MSH3: variants seen among roughly 807,000 people sequenced by gnomAD.
MSH3 encodes mutS homolog 3, also known as DNA mismatch repair protein Msh3.
Under a neutral mutation model 123.3 loss-of-function variants are expected in MSH3, and 106 were observed. That is an observed-to-expected ratio of 0.86 (90% CI 0.73 to 1.01). MSH3 has a LOEUF of 1.01. MSH3 is among the 50% of genes least tolerant of loss of function. The pLI is 0.00. For missense variants in MSH3, 1,459 were observed against 1,347.6 expected, an observed-to-expected ratio of 1.08 and a Z score of -1.29; for synonymous variants, 515 against 481.4, an observed-to-expected ratio of 1.07 and a Z score of -0.91.
chr5:80,826,880 C>T (rs935001542), intron 20 of MSH3, among the ~76,000 whole-genome samples: 2 of 152,118 alleles, frequency 1.3e-5, no homozygotes, highest in Non-Finnish European at 2.9e-5. Context: ...ACTATAACCT[C>T]ACATGAATCT....
At chr5:80,755,162 T>A (rs26282) in intron 12 of MSH3, among the ~76,000 whole-genome samples, 10 of 152,080 alleles carry the variant, frequency 6.6e-5, no homozygotes, top group Admixed American at 3.9e-4. Flanking sequence ...CCTCTGCCGG[T>A]TTGAATGAGA....
chr5:80,711,071 A>G (rs1750849189), intron 8 of MSH3, among the ~76,000 whole-genome samples: 1 of 152,256 alleles, frequency 6.6e-6, no homozygotes, highest in African/African-American at 2.4e-5. Flanking sequence ...AAGCAAAGGT[A>G]TAATCAAAAG....
chr5:80,664,055 G>GA (rs1414365775), intron 2 of MSH3, among the ~76,000 whole-genome samples: 1 of 152,190 alleles, frequency 6.6e-6, no homozygotes, highest in Non-Finnish European at 1.5e-5. Flanking sequence ...TAGGGATCCA[G>GA]AAAATGATAG....
intron 16 of MSH3, 107 bp downstream of exon 16, chr5:80,775,865 T>C (rs1744290337): frequency 1.4e-6 from 1 of 695,574 alleles, no homozygotes; most frequent in African/African-American, 1.8e-5. Flanking sequence ...AAAGCAATTC[T>C]TTTTACTTAT....
chr5:80,808,235 G>A (rs146435807), intron 19 of MSH3, among the ~76,000 whole-genome samples: 171 of 152,254 alleles, frequency 1.1e-3, no homozygotes, highest in African/African-American at 3.9e-3. Context: ...ATAATACTTT[G>A]TATAGAGATT....
Position 80,654,969 on chromosome 5 carries a change from G to C in MSH3, c.237+5G>C, listed in dbSNP as rs966078374. On this transcript the variant is annotated splice_donor_5th_base_variant and intron_variant, in intron 1 of 23. Coordinates refer to ENST00000265081, the MANE Select transcript of MSH3 (RefSeq NM_002439.5). ...CCCCAGCTGCCGCCGCACATAGTAG[G>C]TTCTGTCTGGGACTGGGCAGGGCCA... 1 of 1,458,038 alleles carries C rather than the reference G, an allele frequency of 6.9e-7. No homozygotes were observed. The highest frequency in any genetic ancestry group is 1.6e-5 in the African/African-American group (1 of 61,852). 90.3% of individuals were successfully genotyped at this position (1,458,038 alleles called of 1,614,324 possible).
chr5:80,752,887 A>G (rs745715007), intron 12 of MSH3, among the ~76,000 whole-genome samples: 2 of 152,194 alleles, frequency 1.3e-5, no homozygotes, highest in African/African-American at 2.4e-5. Context: ...AAAAGAACAC[A>G]TAAATGATAT....
Position 80,818,641 on chromosome 5 carries a change from A to G in MSH3, c.2813+4900A>G, listed in dbSNP as rs1046661770. ...ATGTTTAAGTGAGATAAACAGTGCA[A>G]TGCAATGGTTATGATTTAATAGAAA... On this transcript the variant is annotated intron_variant, in intron 20 of 23. Coordinates refer to ENST00000265081, the MANE Select transcript of MSH3 (RefSeq NM_002439.5). Among the ~76,000 whole-genome samples, 9 of 152,220 alleles carry G rather than the reference A, an allele frequency of 5.9e-5. No individual in the cohort carries two copies. In the South Asian group the frequency reaches 6.2e-4, roughly 11 times the overall value.
chr5:80,692,983 A>G (rs1768508500), intron 8 of MSH3, among the ~76,000 whole-genome samples: 2 of 125,118 alleles, frequency 1.6e-5, no homozygotes, highest in African/African-American at 5.9e-5. Context: ...ATGCACATGT[A>G]TATGTTTAGA....
At chr5:80,754,475 TAA>T (rs1474728360) in intron 12 of MSH3, among the ~76,000 whole-genome samples, 1 of 152,158 alleles carries the variant, frequency 6.6e-6, no homozygotes, top group East Asian at 1.9e-4. Context: ...GGTCAAGGTA[TAA>T]TCTACTAGTA....
At chr5:80,847,770 A>T (rs1346124507) in intron 20 of MSH3, among the ~76,000 whole-genome samples, 1 of 152,136 alleles carries the variant, frequency 6.6e-6, no homozygotes, top group Non-Finnish European at 1.5e-5. Flanking sequence ...AAGTTATTTT[A>T]TGTCATTACC....
chr5:80,761,848 T>G (rs189765703), intron 13 of MSH3, among the ~76,000 whole-genome samples, 170 bp downstream of exon 13: 1 of 152,298 alleles, frequency 6.6e-6, no homozygotes. Context: ...AAATTAGAGT[T>G]ATTCCAATTT....
rs149849405 is a variant in MSH3 at position 80,862,471 on chromosome 5, C to T, written c.3001-2342C>T. The stretch of plus-strand genomic sequence containing the variant: ...TTAAAATAATGCTTATTAAAGAATC[C>T]ATGAGACTGGGTGCAGTGGCTGATG... On this transcript the variant is annotated intron_variant, in intron 21 of 23. Transcript: ENST00000265081. Among the ~76,000 whole-genome samples the T allele has an allele frequency of 9.2e-5, 14 of 152,108 alleles. No homozygotes were observed. In the East Asian group the frequency reaches 2.7e-3, roughly 29 times the overall value.
chr5:80,699,266 G>A (rs1057081747), intron 8 of MSH3, among the ~76,000 whole-genome samples: 2 of 152,026 alleles, frequency 1.3e-5, no homozygotes, highest in African/African-American at 4.8e-5. Context: ...AACATAGAAG[G>A]GTTGTTGTAA....
rs6151898 is a variant in MSH3, at chr5:80,829,297, G to A, written c.2813+15556G>A. ...TGAAAAGGAGTGGTAAGAGGTGACA[G>A]CTTCCTATTTTGGCTGATCCTAGTT... On this transcript the variant is annotated intron_variant, in intron 20 of 23. Transcript: ENST00000265081. Among the ~76,000 whole-genome samples the A allele has an allele frequency of 4.3e-3, 653 of 152,270 alleles. 5 individuals are homozygous for A. Among genetic ancestry groups the A allele is most frequent in the African/African-American group, 0.015 (604 of 41,534 alleles).
rs1746302641 is a variant in MSH3, at chr5:80,875,979, G to A, written c.*117G>A. On this transcript the variant is annotated 3_prime_UTR_variant, in exon 24 of 24. Transcript: ENST00000265081. ...ATGTGAGCATAAAATTATGACCATG[G>A]TATATTCCTATTGGAAACAGAGAGG... The A allele has an allele frequency of 1.0e-5, 7 of 703,274 alleles. No homozygotes were observed. Among genetic ancestry groups the A allele is most frequent in the South Asian group, 9.8e-5 (6 of 61,060 alleles). 43.6% of individuals were successfully genotyped at this position (703,274 alleles called of 1,614,324 possible).
intron 4 of MSH3, among the ~76,000 whole-genome samples, chr5:80,671,122 CA>C (rs36020965): frequency 0.46 from 67,232 of 144,874 alleles, 15,308 homozygotes; most frequent in East Asian, 0.61. Flanking sequence ...GACTCTGTCT[CA>C]AAAAAAAAAA....
chr5:80,672,941 T>C, intron 6 of MSH3, 83 bp downstream of exon 6: 1 of 1,115,380 alleles, frequency 9.0e-7, no homozygotes, highest in Non-Finnish European at 1.4e-6. Flanking sequence ...TGTTTGTTTT[T>C]TAGTTGCTCT....
chr5:80,736,090 A>T (rs1743500001), intron 10 of MSH3, among the ~76,000 whole-genome samples: 1 of 152,012 alleles, frequency 6.6e-6, no homozygotes, highest in African/African-American at 2.4e-5. Flanking sequence ...GCTGGGCATG[A>T]TGGCGGGTGC....
Sources: allele counts gnomAD v4.1 joint callset (sites outside exome capture counted in the v4.1 genomes callset), GRCh38; gene constraint gnomAD v4.1.1; transcripts MANE v1.5; gene names NCBI Gene and HGNC (gene_info 2026-07-23, HGNC 2026-07-21).